PBX3: variants seen among roughly 807,000 people sequenced by gnomAD.
The protein encoded by PBX3 is PBX homeobox 3.
A neutral mutation model predicts 48.5 loss-of-function variants in PBX3; 14 were observed. That is an observed-to-expected ratio of 0.29 (90% confidence interval 0.19 to 0.45). PBX3 has a LOEUF of 0.45. Ranked by LOEUF, PBX3 falls within the 20% of genes least tolerant of loss-of-function variation. The pLI is 1.00. For synonymous variants in PBX3, 210 were observed against 200.3 expected (o/e 1.05, Z -0.41); for missense variants, 386 against 546.7 (o/e 0.71, Z 2.93).
At chr9:125,854,438 A>G (rs1042526528) in intron 2 of PBX3, among the ~76,000 whole-genome samples, 7 of 151,920 alleles carry the variant, frequency 4.6e-5, no homozygotes, top group Admixed American at 3.3e-4. Flanking sequence ...GCGCAGCCCT[A>G]ATTTATTTTT....
chr9:125,791,301 G>GTCTGTCTGTCTA lies in PBX3; in HGVS notation c.274+42681_274+42682insGTCTGTCTATCT, dbSNP rs1179896723. Among the ~76,000 whole-genome samples the GTCTGTCTGTCTA allele has an allele frequency of 4.8e-3, 521 of 109,014 alleles. 5 individuals carry two copies. In the East Asian group the frequency reaches 0.06, roughly 13 times the overall value. The allele number at this position is 109,014 out of a possible 152,430, so 71.5% of individuals were successfully genotyped here. A position where few individuals can be genotyped will look rare whatever the true frequency, so the allele number is the denominator to read the frequency against. On this transcript the variant is annotated intron_variant, in intron 2 of 8. Transcript: ENST00000373489. The stretch of plus-strand genomic sequence containing the variant: ...TTTTTATCTGTCTGTCTGTCTGTCT[G>GTCTGTCTGTCTA]TCTATCTATCTATCTATCTATCTAT...
In PBX3 at chr9:125,835,694, A is replaced by G. The variant is rs540207771; in HGVS notation, c.275-79992A>G. On this transcript the variant is annotated intron_variant, in intron 2 of 8. Coordinates refer to ENST00000373489, the MANE Select transcript of PBX3 (RefSeq NM_006195.6). ...TCTCATCCCAGTTAAAACAGCTTTT[A>G]TCAAAAAGACAAAACATAACATGCT... is the stretch of plus-strand genomic sequence containing the variant. 3.3e-5 allele frequency among the ~76,000 whole-genome samples: 5 copies of G among 152,350 alleles called. No individual in the cohort carries two copies. In the South Asian group the frequency reaches 1.0e-3, roughly 32 times the overall value.
Position 125,940,192 on chromosome 9 carries a change from A to AAG in PBX3, c.843+4586_843+4587insGA, listed in dbSNP as rs531048364. On this transcript the variant is annotated intron_variant, in intron 5 of 8. Coordinates refer to ENST00000373489, the MANE Select transcript of PBX3 (RefSeq NM_006195.6). Reference sequence around the variant, plus strand: ...AGAGCAAAACTCCGTCTCAAAAAAAAAAAAGAAGAAAAAGAATCCAATGAG... The same window carrying AAG: ...AGAGCAAAACTCCGTCTCAAAAAAAAAGAAAAGAAGAAAAAGAATCCAATGAG... 7.0e-4 allele frequency among the ~76,000 whole-genome samples: 106 copies of AAG among 152,304 alleles called. 1 individual carries two copies. In the East Asian group the frequency reaches 0.016, roughly 22 times the overall value.
intron 2 of PBX3, among the ~76,000 whole-genome samples, chr9:125,799,949 A>T (rs866062806): frequency 6.6e-6 from 1 of 152,176 alleles, no homozygotes; most frequent in South Asian, 2.1e-4. Flanking sequence ...TCCTCTTGGG[A>T]GGTGAAGCCT....
chr9:125,883,315 A>G (rs1840423740), intron 2 of PBX3, among the ~76,000 whole-genome samples: 1 of 152,228 alleles, frequency 6.6e-6, no homozygotes, highest in Admixed American at 6.5e-5. Context: ...TAGCTTGGCA[A>G]AGAAATGATG....
intron 2 of PBX3, among the ~76,000 whole-genome samples, chr9:125,789,544 A>AGAGT (rs1837544529): frequency 6.6e-6 from 1 of 152,156 alleles, no homozygotes; most frequent in African/African-American, 2.4e-5. Context: ...GGCTTCCCTC[A>AGAGT]GAGTGAGTGA....
intron 2 of PBX3, among the ~76,000 whole-genome samples, chr9:125,768,514 A>G (rs1836858999): frequency 1.3e-5 from 2 of 152,362 alleles, no homozygotes; most frequent in East Asian, 3.9e-4. Context: ...CATTATTACA[A>G]TTATCAGCTT....
At chr9:125,922,650 T>C (rs1841481212) in intron 3 of PBX3, among the ~76,000 whole-genome samples, 2 of 152,216 alleles carry the variant, frequency 1.3e-5, no homozygotes, top group South Asian at 4.1e-4. Flanking sequence ...TTCTATATTA[T>C]AAATAGCATC....
chr9:125,762,014 G>A (rs1002026062), intron 2 of PBX3, among the ~76,000 whole-genome samples: 3 of 152,138 alleles, frequency 2.0e-5, no homozygotes, highest in Admixed American at 6.5e-5. Flanking sequence ...CTTCAGTATA[G>A]GACATATGAT....
At chr9:125,747,742 G>T in intron 1 of PBX3, 89 bp downstream of exon 1, 4 of 982,052 alleles carry the variant, frequency 4.1e-6, no homozygotes, top group Non-Finnish European at 5.6e-6. Flanking sequence ...CCCGGGGCTA[G>T]GGCCGCAGCC....
At chr9:125,791,232 A>C (rs893686272) in intron 2 of PBX3, among the ~76,000 whole-genome samples, 3 of 152,100 alleles carry the variant, frequency 2.0e-5, no homozygotes, top group African/African-American at 7.2e-5. Flanking sequence ...ATTGTATATT[A>C]ATAGTGCCTT....
At chr9:125,902,989 A>G (rs2132428735) in intron 2 of PBX3, among the ~76,000 whole-genome samples, 1 of 151,924 alleles carries the variant, frequency 6.6e-6, no homozygotes, top group Non-Finnish European at 1.5e-5. Flanking sequence ...TGCACCTGTT[A>G]GAACCCAATA....
chr9:125,942,946 A>T (rs1473137931), intron 5 of PBX3, among the ~76,000 whole-genome samples: 1 of 152,228 alleles, frequency 6.6e-6, no homozygotes, highest in East Asian at 1.9e-4. Flanking sequence ...ACAAACAATC[A>T]GTACCATGAT....
chr9:125,855,467 A>C (rs1839695541), intron 2 of PBX3, among the ~76,000 whole-genome samples: 1 of 152,046 alleles, frequency 6.6e-6, no homozygotes, highest in Non-Finnish European at 1.5e-5. Flanking sequence ...TCCTATTGGT[A>C]TATGTTTTAT....
chr9:125,803,069 C>T (rs1802180466), intron 2 of PBX3, among the ~76,000 whole-genome samples: 1 of 147,100 alleles, frequency 6.8e-6, no homozygotes, highest in African/African-American at 2.5e-5. Context: ...GACCTTATTT[C>T]AGTGATTTTT....
At chr9:125,940,305 ATTAT>A (rs1841932750) in intron 5 of PBX3, among the ~76,000 whole-genome samples, 1 of 152,242 alleles carries the variant, frequency 6.6e-6, no homozygotes, top group African/African-American at 2.4e-5. Flanking sequence ...GATTAATTTA[ATTAT>A]TATGCATTAC....
chr9:125,776,577 C>T (rs937986810), intron 2 of PBX3, among the ~76,000 whole-genome samples: 1 of 152,106 alleles, frequency 6.6e-6, no homozygotes, highest in Non-Finnish European at 1.5e-5. Context: ...GCTCTGTTGC[C>T]TAGGCTGGAA....
chr9:125,832,982 C>G (rs1367734321), intron 2 of PBX3, among the ~76,000 whole-genome samples: 1 of 152,124 alleles, frequency 6.6e-6, no homozygotes, highest in Non-Finnish European at 1.5e-5. Context: ...TTTGGTGAGA[C>G]TTAAAAGTAC....
At chr9:125,904,257 A>C (rs1841018112) in intron 2 of PBX3, among the ~76,000 whole-genome samples, 1 of 151,788 alleles carries the variant, frequency 6.6e-6, no homozygotes, top group African/African-American at 2.4e-5. Flanking sequence ...GTTTACATCC[A>C]CCTGGAGTCA....
Sources: gnomAD v4.1 joint callset for allele counts (sites outside exome capture counted in the v4.1 genomes callset) on GRCh38, gnomAD v4.1.1 for gene constraint, MANE v1.5 for transcripts, NCBI Gene and HGNC (gene_info 2026-07-23, HGNC 2026-07-21) for gene names.